Variants in HSPG2 observed in about 807,000 individuals in gnomAD.
The protein encoded by HSPG2 is heparan sulfate proteoglycan 2.
Under a neutral mutation model 526.6 loss-of-function variants are expected in HSPG2, and 278 were observed. The observed-to-expected ratio is 0.53, with a 90% confidence interval of 0.48 to 0.58. The LOEUF (loss-of-function observed/expected upper bound fraction) is 0.58. Ranked by LOEUF, HSPG2 falls within the 20% of genes least tolerant of loss-of-function variation. The pLI is 0.00. For synonymous variants in HSPG2, 2,465 were observed against 2,555.4 expected, an observed-to-expected ratio of 0.96 and a Z score of 1.07; for missense variants, 5,354 against 6,099.5, an observed-to-expected ratio of 0.88 and a Z score of 4.07.
intron 13 of HSPG2, among the ~76,000 whole-genome samples, chr1:21,882,316 T>C (rs748432122): frequency 6.6e-6 from 1 of 151,972 alleles, no homozygotes; most frequent in Admixed American, 6.6e-5. Flanking sequence ...AGGTATAAGC[T>C]AAAATGAGCA....
Position 21,888,080 on chromosome 1 carries a change from G to A in HSPG2, c.575-14C>T, listed in dbSNP as rs1412953679. ...GGAACTGGGGCACTGCAGGTGGAAA[G>A]GAAGCAGACTGGAGTCAGAGGCGGC... On this transcript the variant is annotated splice_polypyrimidine_tract_variant and intron_variant, in intron 6 of 96. Transcript: ENST00000374695. 1.2e-6 allele frequency: 2 copies of A among 1,613,922 alleles called. No homozygotes were observed. The highest frequency in any genetic ancestry group is 2.2e-5 in the South Asian group (2 of 91,080).
intron 78 of HSPG2, 64 bp downstream of exon 78, chr1:21,833,752 G>T: frequency 6.6e-7 from 1 of 1,515,952 alleles, no homozygotes; most frequent in South Asian, 1.2e-5. Context: ...TGGGGACACT[G>T]AGACGCTTCA....
In HSPG2 at chr1:21,896,196, G is replaced by A; in HGVS notation, c.178C>T (p.Leu60=). The A allele has an allele frequency of 6.2e-7, 1 of 1,613,800 alleles. No individual in the cohort carries two copies. The highest frequency in any genetic ancestry group is 1.3e-5 in the African/African-American group (1 of 74,912). ...TCACCTCCTGAGATGCTGTCAGCCA[G>A]CATGTCCTCATCATCAGAAAGGTAC... The part of the protein sequence containing the change: ...HSYLSDDEDM[L]ADSISGDDLG... Residue 60 remains leucine, a synonymous_variant, in exon 2 of 97, where the codon CTG becomes TTG. Transcript: ENST00000374695.
In HSPG2 at chr1:21,841,664, T is replaced by C. The variant is rs2098049001; in HGVS notation, c.9203A>G (p.His3068Arg). 4 of 1,614,140 alleles carry C rather than the reference T, an allele frequency of 2.5e-6. No individual in the cohort carries two copies. The East Asian group carries it at 6.7e-5, about 27-fold the overall frequency. Residue 3068 changes from histidine (H) to arginine (R), a missense_variant, in exon 70 of 97, where the codon CAC becomes CGC. By Grantham distance (29) the His-to-Arg change is conservative. Coordinates refer to ENST00000374695, the MANE Select transcript of HSPG2 (RefSeq NM_005529.7). The part of the protein sequence containing the change: ...TRNQELEDNV[H>R]ISPNGSIITI... ...GATGATGGAGCCATTGGGACTGATG[T>C]GGACGTTGTCTGTGAGGTTGCATGG...
intron 1 of HSPG2, among the ~76,000 whole-genome samples, chr1:21,916,662 A>G (rs1331736444): frequency 6.6e-6 from 1 of 150,470 alleles, no homozygotes; most frequent in Admixed American, 6.7e-5. Flanking sequence ...ATTGCACTCC[A>G]GCCCAGGCGA....
At chr1:21,926,569 C>A (rs4989428) in intron 1 of HSPG2, among the ~76,000 whole-genome samples, 105,506 of 151,722 alleles carry the variant, frequency 0.7, 37,135 homozygotes, top group Middle Eastern at 0.83. Flanking sequence ...CCTGGCCAAC[C>A]TGGTGAAAGC....
chr1:21,885,105 G>T lies in HSPG2; in HGVS notation c.1263C>A (p.Gly421=), dbSNP rs1437172278. The T allele has an allele frequency of 6.2e-7, 1 of 1,613,212 alleles. No individual in the cohort carries two copies. The highest frequency in any genetic ancestry group is 8.5e-7 in the Non-Finnish European group (1 of 1,179,740). Reference sequence around the variant, plus strand: ...CCACGCAGGTGAAGGTCACTGTCTGGCCCCGGGAAGCCTGGATGGACTCCC... The same window carrying T: ...CCACGCAGGTGAAGGTCACTGTCTGTCCCCGGGAAGCCTGGATGGACTCCC... ...PPRESIQASR[G]QTVTFTCVAI... The change falls in exon 11 of 97, where the codon GGC becomes GGA. Residue 421 remains glycine (G), a synonymous_variant. Coordinates refer to ENST00000374695, the MANE Select transcript of HSPG2 (RefSeq NM_005529.7).
rs769088707 is a variant in HSPG2 at position 21,879,109 on chromosome 1, T to A, written c.2356A>T (p.Asn786Tyr). ...VYGHCLNCQH[N>Y]TEGPQCNKCK... is the part of the protein sequence containing the mutation. ...TTGTTGCACTGTGGCCCCTCCGTGT[T>A]GTGCTGGCAATTCTAGAAGAAGGAG... Residue 786 changes from asparagine (N) to tyrosine (Y), a missense_variant, in exon 18 of 97, where the codon AAC becomes TAC. Coordinates refer to ENST00000374695, the MANE Select transcript of HSPG2 (RefSeq NM_005529.7). 4 of 1,614,236 alleles carry A rather than the reference T, an allele frequency of 2.5e-6. No individual in the cohort carries two copies. The East Asian group carries it at 8.9e-5, about 36-fold the overall frequency.
At position 21,847,540 on chromosome 1, in the gene HSPG2, TG is replaced by T; in HGVS notation, c.8026-49del. On this transcript the variant is annotated intron_variant, in intron 61 of 96. Transcript: ENST00000374695. This position sits in a 1 kb window ranked among gnomAD's most constrained non-coding sequence, Gnocchi z 4.1. ...AGAGGGAGAGGGAGTGGAGGGACGC[TG>T]GGGTCACCAGCTGGCTCAGGCCTTC... The T allele has an allele frequency of 6.2e-7, 1 of 1,612,140 alleles. No homozygotes were observed. The highest frequency in any genetic ancestry group is 8.5e-7 in the Non-Finnish European group (1 of 1,179,118).
chr1:21,887,562 A>C lies in HSPG2; in HGVS notation c.816T>G (p.Pro272=), dbSNP rs559172815. 6.2e-7 allele frequency: 1 copy of C among 1,614,058 alleles called. No homozygotes were observed. Among genetic ancestry groups the C allele is most frequent in the Non-Finnish European group, 8.5e-7 (1 of 1,180,000 alleles). Residue 272 remains proline (P), a synonymous_variant, in exon 8 of 97, where the codon CCT becomes CCG. Transcript: ENST00000374695. The surrounding 1 kb of genome is among the most constrained non-coding windows in gnomAD (Gnocchi z 5.0). ...TGACGGAACCGGGAAGCAGGGGCTG[A>C]GGAGCGTGGGTGACTGGTGGCTGTC... is the stretch of plus-strand genomic sequence containing the variant. ...IMRQPPVTHA[P]QPLLPGSVRP...
At chr1:21,860,913 C>T (rs1179301697) in intron 39 of HSPG2, among the ~76,000 whole-genome samples, 1 of 152,176 alleles carries the variant, frequency 6.6e-6, no homozygotes, top group African/African-American at 2.4e-5. Context: ...GGAAATTCTA[C>T]ATGAAAATGA....
At chr1:21,875,199 T>A in intron 25 of HSPG2, 197 bp from the exon 26 acceptor site, 1 of 638,900 alleles carries the variant, frequency 1.6e-6, no homozygotes, top group East Asian at 2.7e-5. Context: ...ACCATCACCC[T>A]TCCTCACCTG....
At chr1:21,876,920 G>A (rs778907794) in intron 21 of HSPG2, among the ~76,000 whole-genome samples, 85 of 152,112 alleles carry the variant, frequency 5.6e-4, no homozygotes, top group Non-Finnish European at 1.1e-3. Context: ...TTAGCCTGGC[G>A]TGGTGGCACA....
Position 21,873,005 on chromosome 1 carries a change from G to A in HSPG2, c.3880C>T (p.Gln1294Ter). The change falls in exon 31 of 97, where the codon CAG becomes TAG. Residue 1294 changes from glutamine to a stop codon, truncating the protein, a stop_gained. Coordinates refer to ENST00000374695, the MANE Select transcript of HSPG2 (RefSeq NM_005529.7). LOFTEE classifies it high-confidence loss of function. ...SSQCDAAGQC[Q>*]CKAQVEGLTC... Reference sequence around the variant, plus strand: ...CAGGGATTCGGACTGACCTTGCACTGGCACTGACCAGCAGCATCACACTGG... The same window carrying A: ...CAGGGATTCGGACTGACCTTGCACTAGCACTGACCAGCAGCATCACACTGG... The A allele has an allele frequency of 6.2e-7, 1 of 1,610,694 alleles. No individual in the cohort carries two copies. The highest frequency in any genetic ancestry group is 8.5e-7 in the Non-Finnish European group (1 of 1,179,740).
In HSPG2 at chr1:21,848,886, C is replaced by G. The variant is rs1480558903; in HGVS notation, c.7585+7G>C. On this transcript the variant is annotated splice_region_variant and intron_variant, in intron 58 of 96. Transcript: ENST00000374695. The surrounding 1 kb of genome is among the most constrained non-coding windows in gnomAD (Gnocchi z 4.9). ...TCCACCATTTGCATGACCCCCGAGA[C>G]ACTCACAGTGGGAGCCACTAAGGCG... 1 of 1,613,650 alleles carries G rather than the reference C, an allele frequency of 6.2e-7. No individual in the cohort carries two copies. The highest frequency in any genetic ancestry group is 8.5e-7 in the Non-Finnish European group (1 of 1,180,016).
chr1:21,845,367 G>A (rs1288311960), intron 64 of HSPG2, among the ~76,000 whole-genome samples: 1 of 152,056 alleles, frequency 6.6e-6, no homozygotes, highest in Non-Finnish European at 1.5e-5. Context: ...TACTAATAAA[G>A]ATGTTTATTT....
At position 21,847,710 on chromosome 1, in the gene HSPG2, G is replaced by T; in HGVS notation, c.8004C>A (p.Gly2668=). The change falls in exon 61 of 97, where the codon GGC becomes GGA. Residue 2668 remains glycine (G), a synonymous_variant. Coordinates refer to ENST00000374695, the MANE Select transcript of HSPG2 (RefSeq NM_005529.7). This position sits in a 1 kb window ranked among gnomAD's most constrained non-coding sequence, Gnocchi z 4.1. ...GTACCTGGTGTCGGGAGGGAAGGCT[G>T]CCCCCACGCTTGTACCATGTGATGA... ...QAIITWYKRG[G]SLPSRHQTHG... The T allele has an allele frequency of 6.2e-7, 1 of 1,610,038 alleles. No individual in the cohort carries two copies. The highest frequency in any genetic ancestry group is 1.1e-5 in the South Asian group (1 of 90,500).
chr1:21,875,388 C>A (rs369359509), intron 25 of HSPG2, among the ~76,000 whole-genome samples: 26 of 152,118 alleles, frequency 1.7e-4, no homozygotes, highest in African/African-American at 3.4e-4. Context: ...CCCCTCCCCC[C>A]TCCTGCGTCC....
chr1:21,882,772 C>T (rs745647759), intron 13 of HSPG2, among the ~76,000 whole-genome samples: 1 of 152,040 alleles, frequency 6.6e-6, no homozygotes, highest in Non-Finnish European at 1.5e-5. Context: ...CTCCAAAGGC[C>T]GTCCCTCCCG....
Sources: gnomAD v4.1 joint callset for allele counts (sites outside exome capture counted in the v4.1 genomes callset) on GRCh38, gnomAD v4.1.1 for gene constraint, Gnocchi (gnomAD v3.1) non-coding constraint, MANE v1.5 for transcripts, NCBI Gene and HGNC (gene_info 2026-07-23, HGNC 2026-07-21) for gene names.